The following PLAGL1 variants were observed in gnomAD, a reference collection of about 807,000 sequenced individuals.
The protein encoded by PLAGL1 is zinc finger protein PLAGL1.
A neutral mutation model predicts 4.6 loss-of-function variants in PLAGL1; 1 was observed. The ratio of observed to expected loss-of-function variants is 0.22; its 90% CI spans 0.08 to 1.03. The LOEUF is 1.03. PLAGL1 is among the 50% of genes least tolerant of loss of function. The pLI is 0.58. For synonymous variants in PLAGL1, 240 were observed against 237.8 expected, an observed-to-expected ratio of 1.01 and a Z score of -0.08; for missense variants, 464 against 570.4, an observed-to-expected ratio of 0.81 and a Z score of 1.90.
In PLAGL1 at chr6:144,063,352, A is replaced by G. The variant is rs1799576907; in HGVS notation, c.-151+1116T>C. The stretch of plus-strand genomic sequence containing the variant: ...TGGAACCCAGTTCTTCTCCTTCCTG[A>G]TGCCTAACTAGGCGTCCCCAGCCAT... On this transcript the variant is annotated intron_variant, in intron 1 of 3. Transcript: ENST00000437412. The surrounding 1 kb of genome is among the most constrained non-coding windows in gnomAD (Gnocchi z 5.7). Among the ~76,000 whole-genome samples, 1 of 152,040 alleles carries G rather than the reference A, an allele frequency of 6.6e-6. No homozygotes were observed. Among genetic ancestry groups the G allele is most frequent in the African/African-American group, 2.4e-5 (1 of 41,384 alleles).
chr6:143,977,652 A>C (rs1787004149), intron 2 of PLAGL1, among the ~76,000 whole-genome samples: 1 of 151,066 alleles, frequency 6.6e-6, no homozygotes. Context: ...GGCGCCCACC[A>C]TCATGCCAGG....
At chr6:143,967,352 A>G (rs1394625355) in intron 3 of PLAGL1, 3 of 152,152 alleles carry the variant, frequency 2.0e-5, no homozygotes, top group Non-Finnish European at 1.5e-5. Flanking sequence ...GGAAACATGA[A>G]TAACTTCTTT....
chr6:144,003,350 C>T (rs996559501), intron 1 of PLAGL1, among the ~76,000 whole-genome samples: 5 of 152,040 alleles, frequency 3.3e-5, no homozygotes, highest in Non-Finnish European at 5.9e-5. Context: ...GTGGGCTGGG[C>T]GCGGTGGCTC....
chr6:144,021,158 T>C (rs552829789), intron 1 of PLAGL1, among the ~76,000 whole-genome samples: 1 of 152,112 alleles, frequency 6.6e-6, no homozygotes, highest in Admixed American at 6.5e-5. Flanking sequence ...GAAACAGAAC[T>C]AAACGGGTAA....
At chr6:144,044,747 A>G (rs918191587) in intron 1 of PLAGL1, among the ~76,000 whole-genome samples, 1 of 151,986 alleles carries the variant, frequency 6.6e-6, no homozygotes, top group African/African-American at 2.4e-5. Context: ...TTCTGTCTCA[A>G]TCTGTCTAAT....
At chr6:144,049,640 A>G (rs945473027) in intron 1 of PLAGL1, among the ~76,000 whole-genome samples, 1 of 152,200 alleles carries the variant, frequency 6.6e-6, no homozygotes, top group Non-Finnish European at 1.5e-5. Context: ...TATCATGAGA[A>G]CAGCATGGGG....
intron 1 of PLAGL1, among the ~76,000 whole-genome samples, chr6:143,999,703 T>G (rs1045761871): frequency 6.6e-6 from 1 of 152,194 alleles, no homozygotes; most frequent in African/African-American, 2.4e-5. Context: ...GAATATTACA[T>G]GAAAAAATTA....
chr6:143,985,525 ATC>A lies in PLAGL1; in HGVS notation c.-583-353_-583-352del, dbSNP rs1415598071. ...ATCACACACCACCTCCTTTGCCAAAATCTCTTTCTGCCCCTGACCCATTGCAC... is the reference window on the plus strand; with the variant it reads ...ATCACACACCACCTCCTTTGCCAAAATCTTTCTGCCCCTGACCCATTGCAC... On this transcript the variant is annotated intron_variant, in intron 1 of 7. Coordinates refer to ENST00000674357, the MANE Select transcript of PLAGL1 (RefSeq NM_001317162.2). The surrounding 1 kb of genome is among the most constrained non-coding windows in gnomAD (Gnocchi z 4.4). Among the ~76,000 whole-genome samples the A allele has an allele frequency of 4.6e-5, 7 of 152,120 alleles. No individual in the cohort carries two copies. Among genetic ancestry groups the A allele is most frequent in the Admixed American group, 6.6e-5 (1 of 15,266 alleles).
Position 144,061,289 on chromosome 6 carries a change from C to T in PLAGL1, c.-151+3179G>A, listed in dbSNP as rs80315049. 3.7e-4 allele frequency among the ~76,000 whole-genome samples: 56 copies of T among 152,334 alleles called. No individual in the cohort carries two copies. The Middle Eastern group carries it at 0.01, about 28-fold the overall frequency. ...CTTCAGTTACCCATCAGCCATATGA[C>T]GTTAGCAAGTCAGTCTCTTCCAATT... On this transcript the variant is annotated intron_variant, in intron 1 of 3. Transcript: ENST00000437412. This position sits in a 1 kb window ranked among gnomAD's most constrained non-coding sequence, Gnocchi z 4.4.
rs532396202 is a variant in PLAGL1, at chr6:143,949,951, A to G, written c.-324-1491T>C. Among the ~76,000 whole-genome samples the G allele has an allele frequency of 6.6e-6, 1 of 152,366 alleles. No homozygotes were observed. Among genetic ancestry groups the G allele is most frequent in the Admixed American group, 6.5e-5 (1 of 15,310 alleles). ...CAGTTTAAACATGTTTAAATATAGC[A>G]TTATGTAGCACACGGACATAACCAA... On this transcript the variant is annotated intron_variant, in intron 6 of 7. Transcript: ENST00000674357. The surrounding 1 kb of genome is among the most constrained non-coding windows in gnomAD (Gnocchi z 5.3).
chr6:144,062,795 A>C (rs1799529810), intron 1 of PLAGL1, among the ~76,000 whole-genome samples: 1 of 152,172 alleles, frequency 6.6e-6, no homozygotes, highest in South Asian at 2.1e-4. Flanking sequence ...GAAGATCCCC[A>C]ACACATGTCT....
chr6:143,942,128 G>T lies in PLAGL1; in HGVS notation c.688C>A (p.Pro230Thr). 1 of 1,614,190 alleles carries T rather than the reference G, an allele frequency of 6.2e-7. No homozygotes were observed. Among genetic ancestry groups the T allele is most frequent in the Non-Finnish European group, 8.5e-7 (1 of 1,180,016 alleles). Residue 230 changes from proline (P) to threonine (T), a missense_variant, in exon 8 of 8, where the codon CCT becomes ACT. Pro to Thr is a conservative substitution (Grantham distance 38). Transcript: ENST00000674357. This position sits in a 1 kb window ranked among gnomAD's most constrained non-coding sequence, Gnocchi z 7.6. ...GCAGCAGCCTTCAGTTGGAATGAAG[G>T]CGAGATGGTGTGGAAGGTGCTCAGA... Reference protein sequence around the residue: ...DLLSTFHTISPSFQLKAAALP... With the variant: ...DLLSTFHTISTSFQLKAAALP...
intron 1 of PLAGL1, chr6:144,007,609 C>T (rs1405615384): frequency 6.6e-6 from 1 of 152,098 alleles, no homozygotes; most frequent in East Asian, 1.9e-4. Flanking sequence ...TTTTTAGGAC[C>T]CCACGTTTTT....
chr6:144,004,698 T>C lies in PLAGL1; in HGVS notation c.-584+3392A>G, dbSNP rs1256808286. ...GTAAATTTCACCAAGCTACACACTT[T>C]TTTTTGTTGTACATAAATTATAGAA... On this transcript the variant is annotated intron_variant, in intron 1 of 7. Transcript: ENST00000674357. The surrounding 1 kb of genome is among the most constrained non-coding windows in gnomAD (Gnocchi z 4.2). Among the ~76,000 whole-genome samples the C allele has an allele frequency of 6.6e-6, 1 of 152,130 alleles. No individual in the cohort carries two copies. Among genetic ancestry groups the C allele is most frequent in the Non-Finnish European group, 1.5e-5 (1 of 68,014 alleles).
At chr6:144,019,786 T>G (rs1795840266) in intron 1 of PLAGL1, among the ~76,000 whole-genome samples, 2 of 53,700 alleles carry the variant, frequency 3.7e-5, no homozygotes, top group African/African-American at 5.9e-5. Context: ...ACAAAAAAGT[T>G]ACTTAAAAAA....
At chr6:143,977,983 T>G (rs1262389658) in intron 2 of PLAGL1, among the ~76,000 whole-genome samples, 1 of 152,214 alleles carries the variant, frequency 6.6e-6, no homozygotes, top group Non-Finnish European at 1.5e-5. Flanking sequence ...ATTTATACTA[T>G]TCTCTTACTA....
chr6:144,050,726 C>CA lies in PLAGL1; in HGVS notation c.-151+13741dup, dbSNP rs544749123. Among the ~76,000 whole-genome samples the CA allele has an allele frequency of 5.1e-4, 77 of 151,672 alleles. No homozygotes were observed. In the South Asian group the frequency reaches 7.1e-3, roughly 14 times the overall value. ...GAAACATAGTGAGACCCTGTTTCTA[C>CA]AAAAAAAAATTTTTTTTTAAGTAAA... On this transcript the variant is annotated intron_variant, in intron 1 of 3. Coordinates refer to the PLAGL1 transcript ENST00000437412. The surrounding 1 kb of genome is among the most constrained non-coding windows in gnomAD (Gnocchi z 4.3).
chr6:143,996,640 A>G (rs1468382607), intron 1 of PLAGL1, among the ~76,000 whole-genome samples: 2 of 150,102 alleles, frequency 1.3e-5, no homozygotes, highest in Non-Finnish European at 3.0e-5. Flanking sequence ...TTCTGACTGA[A>G]ATACAGACAT....
intron 1 of PLAGL1, among the ~76,000 whole-genome samples, chr6:144,035,327 C>T (rs1412979864): frequency 2.6e-5 from 4 of 152,138 alleles, no homozygotes; most frequent in East Asian, 1.9e-4. Flanking sequence ...GCCAAAGGCC[C>T]GAGAGCCCAT....
Sources: allele counts gnomAD v4.1 joint callset (sites outside exome capture counted in the v4.1 genomes callset), GRCh38; gene constraint gnomAD v4.1.1; non-coding constraint Gnocchi (gnomAD v3.1); transcripts MANE v1.5; gene names NCBI Gene and HGNC (gene_info 2026-07-23, HGNC 2026-07-21).